Variants in HIVEP1 observed in about 807,000 individuals in gnomAD.
HIVEP1 encodes HIVEP zinc finger 1, also known as zinc finger protein 40.
A neutral mutation model predicts 180.0 loss-of-function variants in HIVEP1; 36 were observed. The observed-to-expected ratio is 0.20, with a 90% CI of 0.15 to 0.26. HIVEP1 has a LOEUF of 0.26. Among genes scored for constraint, HIVEP1 ranks in the 10% least tolerant of loss-of-function variants. HIVEP1 has a pLI of 1.00. For missense variants in HIVEP1, 3,143 were observed against 3,268.7 expected (o/e 0.96, Z 0.94); for synonymous variants, 1,239 against 1,239.0 (o/e 1.00, Z 0.00).
chr6:12,111,049 C>T (rs1561950110), intron 3 of HIVEP1, among the ~76,000 whole-genome samples: 1 of 152,180 alleles, frequency 6.6e-6, no homozygotes, highest in Non-Finnish European at 1.5e-5. Flanking sequence ...TGAGAACACA[C>T]ACACAACATT....
the HIVEP1 span, among the ~76,000 whole-genome samples, chr6:12,177,304 C>A: frequency 6.6e-6 from 1 of 152,198 alleles, no homozygotes. Flanking sequence ...ACAGGTACCC[C>A]CAAACCTAAA....
intron 2 of HIVEP1, among the ~76,000 whole-genome samples, chr6:12,026,421 T>G (rs1412028670): frequency 2.0e-5 from 3 of 152,192 alleles, no homozygotes; most frequent in African/African-American, 4.8e-5. Context: ...AGAAAGTAAG[T>G]TGTTTTTAGA....
At chr6:12,078,229 T>C (rs904053723) in intron 2 of HIVEP1, among the ~76,000 whole-genome samples, 2 of 152,060 alleles carry the variant, frequency 1.3e-5, no homozygotes, top group African/African-American at 4.8e-5. Context: ...TAGTCACTAA[T>C]TGACAACTTA....
chr6:12,083,147 A>G (rs34105568), intron 2 of HIVEP1, among the ~76,000 whole-genome samples: 23,491 of 151,964 alleles, frequency 0.15, 2,402 homozygotes, highest in Non-Finnish European at 0.23. Flanking sequence ...ATGTCTGTCA[A>G]GTGTGTGTGT....
chr6:12,065,912 T>C (rs1352132205), intron 2 of HIVEP1, among the ~76,000 whole-genome samples: 1 of 152,126 alleles, frequency 6.6e-6, no homozygotes, highest in Non-Finnish European at 1.5e-5. Flanking sequence ...AGAACAGCAC[T>C]CAGCACACAG....
chr6:12,016,296 ATTG>A (rs1234329959), intron 2 of HIVEP1, among the ~76,000 whole-genome samples: 1 of 152,198 alleles, frequency 6.6e-6, no homozygotes, highest in Admixed American at 6.5e-5. Flanking sequence ...ATTCTAGCTT[ATTG>A]TTTAAAAAGA....
chr6:12,163,771 C>G lies in HIVEP1; in HGVS notation c.7467C>G (p.Pro2489=). Reference sequence around the variant, plus strand: ...GTACCCCAGGCTTGCAGTCACTCCCCTCGTTAAGCATGGAAACCGTCAATA... The same window carrying G: ...GTACCCCAGGCTTGCAGTCACTCCCGTCGTTAAGCATGGAAACCGTCAATA... The part of the protein sequence containing the change: ...NLSTPGLQSL[P]SLSMETVNIV... The change falls in exon 9 of 9, where the codon CCC becomes CCG. Residue 2489 remains proline (P), a synonymous_variant. Transcript: ENST00000379388. 1.9e-6 allele frequency: 3 copies of G among 1,614,180 alleles called. No individual in the cohort carries two copies. The highest frequency in any genetic ancestry group is 2.5e-6 in the Non-Finnish European group (3 of 1,180,044).
Position 12,120,445 on chromosome 6 carries a change from G to C in HIVEP1, c.650G>C (p.Cys217Ser), listed in dbSNP as rs1775500717. ...ACCTTGTCACAAAAGGGCTCACCTT[G>C]TGCAATTAAGACAGAAAAACTGAGG... is the stretch of plus-strand genomic sequence containing the variant. ...LSTLSQKGSP[C>S]AIKTEKLRPN... Residue 217 changes from cysteine (C) to serine (S), a missense_variant, in exon 4 of 9, where the codon TGT (cysteine) becomes TCT (serine). Physicochemically the swap from Cys to Ser is moderately radical, Grantham distance 112. This residue lies in a region of HIVEP1 where 306 missense variants were observed against 310.6 expected (regional missense o/e 0.99). Transcript: ENST00000379388. The C allele has an allele frequency of 6.2e-7, 1 of 1,614,178 alleles. No individual in the cohort carries two copies. Among genetic ancestry groups the C allele is most frequent in the African/African-American group, 1.3e-5 (1 of 75,030 alleles).
chr6:12,197,499 G>A, the HIVEP1 span, among the ~76,000 whole-genome samples: 3 of 148,904 alleles, frequency 2.0e-5, no homozygotes, highest in East Asian at 6.0e-4. Context: ...GTTGCAGTGA[G>A]CCGAGGTCGA....
At chr6:12,126,081 A>G (rs577405507) in intron 4 of HIVEP1, among the ~76,000 whole-genome samples, 9 of 152,204 alleles carry the variant, frequency 5.9e-5, no homozygotes, top group Non-Finnish European at 1.3e-4. Context: ...CTATCTTGAA[A>G]GATTTTAGAA....
Position 12,124,149 on chromosome 6 carries a change from CA to C in HIVEP1, c.4358del (p.Asn1453IlefsTer7). The C allele has an allele frequency of 6.2e-7, 1 of 1,614,142 alleles. No homozygotes were observed. Among genetic ancestry groups the C allele is most frequent in the Non-Finnish European group, 8.5e-7 (1 of 1,180,014 alleles). On this transcript the variant is annotated frameshift_variant, in exon 4 of 9. Coordinates refer to ENST00000379388, the MANE Select transcript of HIVEP1 (RefSeq NM_002114.4). LOFTEE classifies it high-confidence loss of function. ...HLSPVHPTSF[Q>X]NTALPSVNAV... Reference sequence around the variant, plus strand: ...GTCTCCTGTACACCCAACATCTTTCCAAAATACTGCTCTTCCCAGTGTGAAT... The same window carrying C: ...GTCTCCTGTACACCCAACATCTTTCCAAATACTGCTCTTCCCAGTGTGAAT...
the HIVEP1 span, among the ~76,000 whole-genome samples, chr6:12,180,905 A>G: frequency 6.6e-6 from 1 of 152,238 alleles, no homozygotes; most frequent in Non-Finnish European, 1.5e-5. Context: ...TGTAAACAAC[A>G]TGTGATTTCA....
intron 2 of HIVEP1, among the ~76,000 whole-genome samples, chr6:12,043,355 A>ATTT (rs1304144063): frequency 7.4e-4 from 81 of 109,882 alleles, no homozygotes; most frequent in Non-Finnish European, 9.2e-4. Context: ...CTAAGTGAAA[A>ATTT]TTTTTTTTTT....
chr6:12,146,506 C>T (rs1231303946), intron 7 of HIVEP1, among the ~76,000 whole-genome samples: 1 of 152,112 alleles, frequency 6.6e-6, no homozygotes, highest in East Asian at 1.9e-4. Flanking sequence ...TCACTAAAAT[C>T]AAATGGTAAC....
In HIVEP1 at chr6:12,164,630, G is replaced by T; in HGVS notation, c.*169G>T. The T allele has an allele frequency of 3.3e-6, 2 of 598,140 alleles. No individual in the cohort carries two copies. The highest frequency in any genetic ancestry group is 4.4e-5 in the South Asian group (2 of 45,472). 37.1% of individuals were successfully genotyped at this position (598,140 alleles called of 1,614,324 possible). A position where few individuals can be genotyped will look rare whatever the true frequency, so the allele number is the denominator to read the frequency against. ...TTTTGTGTCAGCTCCAGCCATTTTTGTACATGTTGTATAGACAATTGTGCC... is the reference window on the plus strand; with the variant it reads ...TTTTGTGTCAGCTCCAGCCATTTTTTTACATGTTGTATAGACAATTGTGCC... On this transcript the variant is annotated 3_prime_UTR_variant, in exon 9 of 9. Transcript: ENST00000379388.
rs546399993 is a variant in HIVEP1, at chr6:12,125,336, C to A, written c.5541C>A (p.Val1847=). 3 of 1,613,868 alleles carry A rather than the reference C, an allele frequency of 1.9e-6. No homozygotes were observed. Among genetic ancestry groups the A allele is most frequent in the African/African-American group, 2.7e-5 (2 of 74,902 alleles). Reference sequence around the variant, plus strand: ...CATCAACAGGATGCTCTAAATTTGTCGTTATAGAACCTATAAGTGAATTGC... The same window carrying A: ...CATCAACAGGATGCTCTAAATTTGTAGTTATAGAACCTATAAGTGAATTGC... ...DNSSTGCSKF[V]VIEPISELQE... Residue 1847 remains valine (V), a synonymous_variant, in exon 4 of 9, where the codon GTC becomes GTA. Coordinates refer to ENST00000379388, the MANE Select transcript of HIVEP1 (RefSeq NM_002114.4).
Position 12,120,733 on chromosome 6 carries a change from A to G in HIVEP1, c.938A>G (p.Asn313Ser). ...TCAGGTTTCACAGGATCACTGACAA[A>G]TCTGCAAAATCAAGAGAATGCCAAA... ...GCSGFTGSLT[N>S]LQNQENAKLE... is the part of the protein sequence containing the mutation. The change falls in exon 4 of 9, where the codon AAT becomes AGT. Residue 313 changes from asparagine to serine, a missense_variant. This residue lies in a region of HIVEP1 where 306 missense variants were observed against 310.6 expected (regional missense o/e 0.99). Coordinates refer to ENST00000379388, the MANE Select transcript of HIVEP1 (RefSeq NM_002114.4). 6.2e-7 allele frequency: 1 copy of G among 1,614,220 alleles called. No homozygotes were observed. The highest frequency in any genetic ancestry group is 8.5e-7 in the Non-Finnish European group (1 of 1,180,028).
At chr6:12,089,122 T>A (rs1773292509) in intron 2 of HIVEP1, 62 bp from the exon 3 acceptor site, 1 of 893,280 alleles carries the variant, frequency 1.1e-6, no homozygotes, top group Non-Finnish European at 1.8e-6. Context: ...GTATGTTTGC[T>A]TTACTGTACT....
the HIVEP1 span, among the ~76,000 whole-genome samples, chr6:12,201,983 A>T: frequency 6.6e-6 from 1 of 151,860 alleles, no homozygotes; most frequent in African/African-American, 2.4e-5. Flanking sequence ...TATTACAAGA[A>T]TGGTTCCCTC....
Sources: gnomAD v4.1 joint callset for allele counts (sites outside exome capture counted in the v4.1 genomes callset) on GRCh38, gnomAD v4.1.1 for gene constraint, gnomAD v4.1.1 regional missense constraint, MANE v1.5 for transcripts, NCBI Gene and HGNC (gene_info 2026-07-23, HGNC 2026-07-21) for gene names.